Variants in FAN1 observed in about 807,000 individuals in gnomAD.
The protein encoded by FAN1 is FANCD2 and FANCI associated nuclease 1, also known as fanconi-associated nuclease 1.
FAN1 carries 91 observed loss-of-function variants against 104.9 expected under a neutral mutation model. The observed-to-expected ratio is 0.87, with a 90% CI of 0.73 to 1.03. FAN1 has a LOEUF of 1.03. Ranked by LOEUF, FAN1 falls within the 50% of genes least tolerant of loss-of-function variation. The pLI is 0.00. For missense variants in FAN1, 1,263 were observed against 1,239.9 expected (o/e 1.02, Z -0.28); for synonymous variants, 478 against 457.6 (o/e 1.04, Z -0.57).
rs764404422 is a variant in FAN1, at chr15:30,942,989, A to C, written c.*1427A>C. The C allele has an allele frequency of 1.3e-6, 2 of 1,553,418 alleles. No homozygotes were observed. Among genetic ancestry groups the C allele is most frequent in the South Asian group, 1.2e-5 (1 of 84,212 alleles). ...GGAAAAGGGTGCGATCCTTTGCTGT[A>C]AACTGGAGAGACCAGTCCCAAACAG... On this transcript the variant is annotated 3_prime_UTR_variant, in exon 15 of 15. Coordinates refer to ENST00000362065, the MANE Select transcript of FAN1 (RefSeq NM_014967.5).
intron 14 of FAN1, among the ~76,000 whole-genome samples, chr15:30,937,633 G>T (rs1312739158): frequency 6.6e-6 from 1 of 151,520 alleles, no homozygotes; most frequent in African/African-American, 2.4e-5. Context: ...TGTATTTTTA[G>T]TAGAGACGGG....
In FAN1 at chr15:30,914,051, C is replaced by T. The variant is rs377418523; in HGVS notation, c.1771C>T (p.Arg591Trp). ...GGAGTTTCCTAGTTACACCATCAAT[C>T]GGAAAACCCACATCTTCCAAGACAG... ...RMEFPSYTIN[R>W]KTHIFQDRDD... The change falls in exon 5 of 15, where the codon CGG becomes TGG. Residue 591 changes from arginine (R) to tryptophan (W), a missense_variant. By Grantham distance (101) the Arg-to-Trp change is moderately radical. This residue lies in a region of FAN1 where 581 missense variants were observed against 668.8 expected (regional missense o/e 0.87). Transcript: ENST00000362065. The T allele has an allele frequency of 9.6e-5, 155 of 1,614,094 alleles. No individual in the cohort carries two copies. The highest frequency in any genetic ancestry group is 7.9e-4 in the African/African-American group (59 of 75,020).
chr15:30,934,451 C>T (rs2062798713), intron 13 of FAN1, among the ~76,000 whole-genome samples: 1 of 152,132 alleles, frequency 6.6e-6, no homozygotes, highest in African/African-American at 2.4e-5. Context: ...AATCCTGATA[C>T]TTATTTTCTC....
intron 8 of FAN1, 22 bp from the exon 9 acceptor site, chr15:30,925,105 G>T (rs1231172657): frequency 1.3e-6 from 2 of 1,594,610 alleles, no homozygotes; most frequent in Admixed American, 3.5e-5. Flanking sequence ...GGAGCCTGAT[G>T]TGTGACCATG....
chr15:30,938,881 G>A (rs1370443243), intron 14 of FAN1: 1 of 970,296 alleles, frequency 1.0e-6, no homozygotes, highest in Non-Finnish European at 1.2e-6. Context: ...AGGAGAAGAT[G>A]CCTTCACCTC....
chr15:30,905,458 C>G lies in FAN1; in HGVS notation c.795C>G (p.Phe265Leu), dbSNP rs755602808. The G allele has an allele frequency of 6.2e-7, 1 of 1,613,926 alleles. No individual in the cohort carries two copies. Among genetic ancestry groups the G allele is most frequent in the Admixed American group, 1.7e-5 (1 of 60,018 alleles). ...PGFSDNAIML[F>L]SPDFTLRNTL... Reference sequence around the variant, plus strand: ...TCTCAGATAATGCGATCATGTTATTCTCACCAGATTTCACTCTTAGGAATA... The same window carrying G: ...TCTCAGATAATGCGATCATGTTATTGTCACCAGATTTCACTCTTAGGAATA... Residue 265 changes from phenylalanine to leucine, a missense_variant, in exon 2 of 15, where the codon TTC (phenylalanine) becomes TTG (leucine). By Grantham distance (22) the Phe-to-Leu change is conservative. Coordinates refer to ENST00000362065, the MANE Select transcript of FAN1 (RefSeq NM_014967.5).
At chr15:30,940,956 C>T in intron 14 of FAN1, 2 of 1,093,012 alleles carry the variant, frequency 1.8e-6, no homozygotes, top group Non-Finnish European at 2.2e-6. Context: ...AGAAGGTGAT[C>T]TAAAATCATA....
chr15:30,916,729 G>A (rs927431869), intron 5 of FAN1, among the ~76,000 whole-genome samples: 55 of 152,144 alleles, frequency 3.6e-4, no homozygotes, highest in African/African-American at 1.3e-3. Context: ...CCTTTTATGT[G>A]ACTTGGTTAG....
At chr15:30,908,289 A>G (rs2062027011) in intron 3 of FAN1, 31 bp downstream of exon 3, 1 of 1,543,680 alleles carries the variant, frequency 6.5e-7, no homozygotes, top group Non-Finnish European at 8.7e-7. Flanking sequence ...TGTGAAATGA[A>G]AATATGATCT....
chr15:30,942,210 G>T lies in FAN1; in HGVS notation c.*648G>T. Reference sequence around the variant, plus strand: ...AAAGAACATTTTCCTCCCTTCCTTTGTGTCCTTATTCTAATCCTCCTCCCC... The same window carrying T: ...AAAGAACATTTTCCTCCCTTCCTTTTTGTCCTTATTCTAATCCTCCTCCCC... On this transcript the variant is annotated 3_prime_UTR_variant, in exon 15 of 15. Transcript: ENST00000362065. The T allele has an allele frequency of 9.3e-7, 1 of 1,072,460 alleles. No individual in the cohort carries two copies. Among genetic ancestry groups the T allele is most frequent in the Non-Finnish European group, 1.3e-6 (1 of 746,686 alleles). 66.4% of individuals were successfully genotyped at this position (1,072,460 alleles called of 1,614,324 possible).
In FAN1 at chr15:30,925,926, C is replaced by T. The variant is rs1350913647; in HGVS notation, c.2475C>T (p.Ser825=). ...TGGCACTGGCCCATTACAGACGCAG[C>T]GGTTTTGACCAGGGTAACTGAGCAG... ...EELALAHYRR[S]GFDQGIHGEG... Residue 825 remains serine, a synonymous_variant, in exon 10 of 15, where the codon AGC becomes AGT. Transcript: ENST00000362065. 10 of 1,614,160 alleles carry T rather than the reference C, an allele frequency of 6.2e-6. No homozygotes were observed. Among genetic ancestry groups the T allele is most frequent in the African/African-American group, 2.7e-5 (2 of 75,074 alleles).
intron 3 of FAN1, among the ~76,000 whole-genome samples, chr15:30,909,987 A>T (rs1197526921): frequency 2.6e-5 from 4 of 152,200 alleles, no homozygotes; most frequent in Non-Finnish European, 5.9e-5. Flanking sequence ...GCTCCTATGG[A>T]TGGGATTTCT....
intron 12 of FAN1, among the ~76,000 whole-genome samples, chr15:30,929,853 ATCATATATAATATATATAAAATATATAAT>A (rs2062632604): frequency 1.3e-5 from 1 of 76,282 alleles, no homozygotes; most frequent in Non-Finnish European, 2.2e-5. Flanking sequence ...TAAAATATAT[ATCATATATAATATATATAAAATATATAAT>A]ATATATCATA....
At chr15:30,935,821 T>C (rs1177527388) in intron 13 of FAN1, among the ~76,000 whole-genome samples, 19 of 152,240 alleles carry the variant, frequency 1.2e-4, no homozygotes, top group Admixed American at 1.2e-3. Context: ...ACTAGCATGG[T>C]TTCCAATCAG....
intron 8 of FAN1, among the ~76,000 whole-genome samples, chr15:30,923,900 C>T (rs1448342413): frequency 2.6e-5 from 4 of 152,126 alleles, no homozygotes; most frequent in East Asian, 1.9e-4. Flanking sequence ...GTGTACAGTT[C>T]AGTGGCATTC....
chr15:30,910,710 G>A lies in FAN1; in HGVS notation c.1472G>A (p.Gly491Glu). 6.2e-7 allele frequency: 1 copy of A among 1,614,012 alleles called. No homozygotes were observed. The highest frequency in any genetic ancestry group is 8.5e-7 in the Non-Finnish European group (1 of 1,180,010). ...ACCTTCCACTTGGTGAATCCCAATGGACAGAAACAGCAGCTGGTGGACGCC... is the reference window on the plus strand; with the variant it reads ...ACCTTCCACTTGGTGAATCCCAATGAACAGAAACAGCAGCTGGTGGACGCC... ...AKTFHLVNPN[G>E]QKQQLVDAFL... Residue 491 changes from glycine (G) to glutamate (E), a missense_variant, in exon 4 of 15, where the codon GGA becomes GAA. Coordinates refer to ENST00000362065, the MANE Select transcript of FAN1 (RefSeq NM_014967.5).
At chr15:30,926,073 A>T in intron 10 of FAN1, 134 bp downstream of exon 10, 1 of 860,632 alleles carries the variant, frequency 1.2e-6, no homozygotes, top group Non-Finnish European at 1.8e-6. Context: ...GGGCTGGGGG[A>T]TGTCTTCCTA....
chr15:30,904,853 T>G lies in FAN1; in HGVS notation c.190T>G (p.Cys64Gly), dbSNP rs1296132973. The G allele has an allele frequency of 6.2e-7, 1 of 1,613,244 alleles. No homozygotes were observed. The highest frequency in any genetic ancestry group is 8.5e-7 in the Non-Finnish European group (1 of 1,179,248). The change falls in exon 2 of 15, where the codon TGT becomes GGT. Residue 64 changes from cysteine (C) to glycine (G), a missense_variant. Physicochemically the swap from Cys to Gly is radical, Grantham distance 159 (BLOSUM62 -3). This residue lies in a region of FAN1 where 682 missense variants were observed against 571.1 expected (regional missense o/e 1.19). Coordinates refer to ENST00000362065, the MANE Select transcript of FAN1 (RefSeq NM_014967.5). ...CTTAAACCGGCACCTTGATGAAATG[T>G]GTGCTAACAATGACTTCGTTCAAGT... ...YDLNRHLDEM[C>G]ANNDFVQVDP...
At chr15:30,937,773 TAA>T (rs1202021703) in intron 14 of FAN1, among the ~76,000 whole-genome samples, 1 of 152,020 alleles carries the variant, frequency 6.6e-6, no homozygotes, top group African/African-American at 2.4e-5. Context: ...TGAACTTTTT[TAA>T]AAGAGAAAAA....
Sources: allele counts gnomAD v4.1 joint callset (sites outside exome capture counted in the v4.1 genomes callset), GRCh38; gene constraint gnomAD v4.1.1; regional missense constraint gnomAD v4.1.1; transcripts MANE v1.5; gene names NCBI Gene and HGNC (gene_info 2026-07-23, HGNC 2026-07-21).